PRRG3: variants seen among roughly 807,000 people sequenced by gnomAD.
PRRG3 encodes transmembrane gamma-carboxyglutamic acid protein 3.
Under a neutral mutation model 15.8 loss-of-function variants are expected in PRRG3, and 21 were observed. The observed-to-expected ratio is 1.33, with a 90% CI of 0.94 to 1.92. PRRG3 has a LOEUF of 1.92. Among genes scored for constraint, PRRG3 ranks in the 40% most tolerant of loss-of-function variants. The pLI is 0.00. For synonymous variants in PRRG3, 125 were observed against 84.1 expected (o/e 1.49, Z -2.66); for missense variants, 251 against 200.2 (o/e 1.25, Z -1.53).
intron 1 of PRRG3, among the ~76,000 whole-genome samples, chrX:151,696,483 G>A (rs980840256): frequency 3.6e-5 from 4 of 110,884 alleles, no homozygotes; most frequent in African/African-American, 9.9e-5. Context: ...ACATGTATTC[G>A]GGTCTATGAT....
At chrX:151,699,049 C>T (rs752788970) in intron 2 of PRRG3, among the ~76,000 whole-genome samples, 19 of 112,945 alleles carry the variant, frequency 1.7e-4, no homozygotes, top group African/African-American at 2.9e-4. Flanking sequence ...GTGACACTAA[C>T]GTGACAGGCC....
chrX:151,701,198 G>A lies in PRRG3; in HGVS notation c.*165G>A, dbSNP rs2014877470. 7 of 454,683 alleles carry A rather than the reference G, an allele frequency of 1.5e-5. No individual in the cohort carries two copies. Among genetic ancestry groups the A allele is most frequent in the South Asian group, 1.9e-4 (2 of 10,299 alleles). 37.5% of individuals were successfully genotyped at this position (454,683 alleles called of 1,213,427 possible). The stretch of plus-strand genomic sequence containing the variant: ...GGAAGTCAGTTGTCAGAGACAGGTG[G>A]GGAGGGTGGGGGTAGGGACCACGCA... On this transcript the variant is annotated 3_prime_UTR_variant, in exon 4 of 4. Coordinates refer to ENST00000674457, the MANE Select transcript of PRRG3 (RefSeq NM_001372163.1).
chrX:151,697,064 C>A (rs1224481460), intron 1 of PRRG3, among the ~76,000 whole-genome samples: 3 of 95,573 alleles, frequency 3.1e-5, no homozygotes, highest in Non-Finnish European at 6.3e-5. Context: ...TTCCTTCCTC[C>A]TTCCCTTCCC....
In PRRG3 at chrX:151,699,994, A is replaced by G. The variant is rs1464547185; in HGVS notation, c.8-2A>G. 1.7e-6 allele frequency: 2 copies of G among 1,202,336 alleles called. No individual in the cohort carries two copies. Among genetic ancestry groups the G allele is most frequent in the Non-Finnish European group, 1.1e-6 (1 of 889,893 alleles). On this transcript the variant is annotated splice_acceptor_variant, in intron 2 of 3. Coordinates refer to ENST00000674457, the MANE Select transcript of PRRG3 (RefSeq NM_001372163.1). LOFTEE classifies it high-confidence loss of function. Reference sequence around the variant, plus strand: ...CAGGCCTCAGTAGGGCTCTCTCCTCAGTGTTTCTGGAGGCCAAGGATGCCC... The same window carrying G: ...CAGGCCTCAGTAGGGCTCTCTCCTCGGTGTTTCTGGAGGCCAAGGATGCCC...
At chrX:151,699,927 G>T (rs1445689857) in intron 2 of PRRG3, 69 bp from the exon 3 acceptor site, 1 of 1,059,715 alleles carries the variant, frequency 9.4e-7, no homozygotes, top group African/African-American at 1.9e-5. Flanking sequence ...CAGTTGCTGG[G>T]CTGGGCCTGG....
chrX:151,700,307 T>C (rs762793521), intron 3 of PRRG3, 151 bp downstream of exon 3: 1 of 1,154,243 alleles, frequency 8.7e-7, no homozygotes, highest in Non-Finnish European at 1.2e-6. Flanking sequence ...ATAAAGTACG[T>C]ACAGTCCCAT....
intron 1 of PRRG3, among the ~76,000 whole-genome samples, chrX:151,697,207 TG>T (rs1188238115): frequency 9.4e-6 from 1 of 106,555 alleles, no homozygotes; most frequent in African/African-American, 3.4e-5. Context: ...TAACCCAGGC[TG>T]GAGTGCAGTG....
rs1210841560 is a variant in PRRG3, at chrX:151,701,236, C to T, written c.*203C>T. 3 of 332,340 alleles carry T rather than the reference C, an allele frequency of 9.0e-6. No individual in the cohort carries two copies. The highest frequency in any genetic ancestry group is 1.0e-5 in the Non-Finnish European group (2 of 200,057). The allele number at this position is 332,340 out of a possible 1,213,427, so 27.4% of individuals were successfully genotyped here. On this transcript the variant is annotated 3_prime_UTR_variant, in exon 4 of 4. Coordinates refer to ENST00000674457, the MANE Select transcript of PRRG3 (RefSeq NM_001372163.1). ...TAGGGACCACGCATGAGTCGAAGCC[C>T]CCGGGAAGAGCCAAAGGCCAAAGTG... is the stretch of plus-strand genomic sequence containing the variant.
At position 151,700,848 on chromosome X, in the gene PRRG3, C is replaced by T. The variant is rs760934250; in HGVS notation, c.511C>T (p.Leu171=). Reference sequence around the variant, plus strand: ...TCGGGGGGGCAGGACCACAGTCCGGCTAGAGAGCACCCTCTACCTCCCTGA... The same window carrying T: ...TCGGGGGGGCAGGACCACAGTCCGGTTAGAGAGCACCCTCTACCTCCCTGA... ...PSRGGRTTVR[L]ESTLYLPELS... The change falls in exon 4 of 4, where the codon CTA becomes TTA. Residue 171 remains leucine, a synonymous_variant. Coordinates refer to ENST00000674457, the MANE Select transcript of PRRG3 (RefSeq NM_001372163.1). The T allele has an allele frequency of 3.6e-5, 43 of 1,203,257 alleles. No homozygotes were observed. In the South Asian group the frequency reaches 6.3e-4, roughly 17 times the overall value.
chrX:151,701,592 A>G lies in PRRG3; in HGVS notation c.*559A>G, dbSNP rs1438886689. 8.9e-6 allele frequency: 1 copy of G among 112,672 alleles called. No homozygotes were observed. Among genetic ancestry groups the G allele is most frequent in the Non-Finnish European group, 1.9e-5 (1 of 53,343 alleles). 9.3% of individuals were successfully genotyped at this position (112,672 alleles called of 1,213,427 possible). A position where few individuals can be genotyped will look rare whatever the true frequency, so the allele number is the denominator to read the frequency against. ...AAATAAATAATTAACACAATAGAAC[A>G]AAACTCTAGCACCCGGGCCGTTCAT... On this transcript the variant is annotated 3_prime_UTR_variant, in exon 4 of 4. Transcript: ENST00000674457.
rs2014888143 is a variant in PRRG3, at chrX:151,701,618, A to T, written c.*585A>T. The T allele has an allele frequency of 8.9e-6, 1 of 112,857 alleles. No individual in the cohort carries two copies. Among genetic ancestry groups the T allele is most frequent in the South Asian group, 3.7e-4 (1 of 2,730 alleles). The allele number at this position is 112,857 out of a possible 1,213,427, so 9.3% of individuals were successfully genotyped here. A position where few individuals can be genotyped will look rare whatever the true frequency, so the allele number is the denominator to read the frequency against. ...AAACTCTAGCACCCGGGCCGTTCAT[A>T]GGAGGCCAAGGGAAATTTATCACAT... On this transcript the variant is annotated 3_prime_UTR_variant, in exon 4 of 4. Transcript: ENST00000674457.
rs2014927246 is a variant in PRRG3, at chrX:151,703,856, GGTTTTTTTTTTTTTTTTTTTTTT to G, written c.*2824_*2846del. The G allele has an allele frequency of 1.1e-4, 1 of 8,954 alleles. No homozygotes were observed. The highest frequency in any genetic ancestry group is 1.5e-4 in the African/African-American group (1 of 6,507). 0.7% of individuals were successfully genotyped at this position (8,954 alleles called of 1,213,427 possible). The stretch of plus-strand genomic sequence containing the variant: ...AAGAAATCTGAGTACTCCTGGGCAT[GGTTTTTTTTTTTTTTTTTTTTTT>G]TTTTTTTTTTTTTTTTTTTTTTTTT... On this transcript the variant is annotated 3_prime_UTR_variant, in exon 4 of 4. Transcript: ENST00000674457.
intron 1 of PRRG3, chrX:151,698,568 C>A (rs910421843): frequency 3.1e-6 from 1 of 318,073 alleles, no homozygotes; most frequent in East Asian, 4.8e-5. Flanking sequence ...GCTTTGGGCC[C>A]TACTGGGCCT....
rs768364876 is a variant in PRRG3, at chrX:151,700,538, C to G, written c.201C>G (p.Val67=). Residue 67 remains valine, a synonymous_variant, in exon 4 of 4, where the codon GTC becomes GTG. Coordinates refer to ENST00000674457, the MANE Select transcript of PRRG3 (RefSeq NM_001372163.1). ...MEFWKGYPNA[V]YSVRDPSQSS... is the part of the protein sequence containing the mutation. ...TCTGGAAAGGGTACCCAAATGCAGT[C>G]TACTCTGTCCGAGACCCCTCGCAGA... The G allele has an allele frequency of 2.5e-6, 3 of 1,199,664 alleles. No homozygotes were observed. The highest frequency in any genetic ancestry group is 3.4e-6 in the Non-Finnish European group (3 of 887,725).
At chrX:151,699,305 C>T (rs1017267109) in intron 2 of PRRG3, among the ~76,000 whole-genome samples, 1 of 112,552 alleles carries the variant, frequency 8.9e-6, no homozygotes, top group African/African-American at 3.2e-5. Context: ...TGCCCACCAT[C>T]CAAAGACGGT....
chrX:151,703,668 C>T lies in PRRG3; in HGVS notation c.*2635C>T, dbSNP rs1206159730. The T allele has an allele frequency of 9.1e-6, 1 of 110,214 alleles. No homozygotes were observed. Among genetic ancestry groups the T allele is most frequent in the Non-Finnish European group, 1.9e-5 (1 of 52,793 alleles). 9.1% of individuals were successfully genotyped at this position (110,214 alleles called of 1,213,427 possible). A position where few individuals can be genotyped will look rare whatever the true frequency, so the allele number is the denominator to read the frequency against. ...ACGTGGCATTAACTATATTGGACAC[C>T]CAACCCCCAAAGTTGTCACTGTTTG... On this transcript the variant is annotated 3_prime_UTR_variant, in exon 4 of 4. Transcript: ENST00000674457.
At chrX:151,697,254 G>T (rs908517483) in intron 1 of PRRG3, among the ~76,000 whole-genome samples, 2 of 109,012 alleles carry the variant, frequency 1.8e-5, no homozygotes, top group Non-Finnish European at 3.8e-5. Flanking sequence ...CCGCCTCTCT[G>T]GTTCAAGCGA....
Position 151,701,660 on chromosome X carries a change from C to T in PRRG3, c.*627C>T, listed in dbSNP as rs188032685. 2 of 112,638 alleles carry T rather than the reference C, an allele frequency of 1.8e-5. No homozygotes were observed. The highest frequency in any genetic ancestry group is 6.4e-5 in the African/African-American group (2 of 31,015). The allele number at this position is 112,638 out of a possible 1,213,427, so 9.3% of individuals were successfully genotyped here. Reference sequence around the variant, plus strand: ...TTATCACATGGATCTGTGATGTCCGCCTCCCCTAAAACCTGTCCCCACACT... The same window carrying T: ...TTATCACATGGATCTGTGATGTCCGTCTCCCCTAAAACCTGTCCCCACACT... On this transcript the variant is annotated 3_prime_UTR_variant, in exon 4 of 4. Coordinates refer to ENST00000674457, the MANE Select transcript of PRRG3 (RefSeq NM_001372163.1).
intron 2 of PRRG3, 151 bp from the exon 3 acceptor site, chrX:151,699,845 G>C: frequency 3.7e-6 from 2 of 535,894 alleles, no homozygotes; most frequent in Non-Finnish European, 5.9e-6. Flanking sequence ...CAAAGGGCCG[G>C]CCATGTCCTT....
Sources: allele counts gnomAD v4.1 joint callset (sites outside exome capture counted in the v4.1 genomes callset), GRCh38; gene constraint gnomAD v4.1.1; transcripts MANE v1.5; gene names NCBI Gene and HGNC (gene_info 2026-07-23, HGNC 2026-07-21).